TENT2: variants seen among roughly 807,000 people sequenced by gnomAD.
TENT2 encodes the protein poly(A) RNA polymerase GLD2.
Under a neutral mutation model 72.2 loss-of-function variants are expected in TENT2, and 44 were observed. The observed-to-expected ratio is 0.61, with a 90% CI of 0.48 to 0.78. The LOEUF is 0.78. Among genes scored for constraint, TENT2 ranks in the 30% least tolerant of loss-of-function variants. The pLI, the probability that TENT2 is intolerant of heterozygous loss-of-function variation, is 0.00. For synonymous variants in TENT2, 212 were observed against 192.5 expected, an observed-to-expected ratio of 1.10 and a Z score of -0.84; for missense variants, 541 against 569.6, an observed-to-expected ratio of 0.95 and a Z score of 0.51.
chr5:79,631,137 A>C (rs11959459), intron 4 of TENT2, among the ~76,000 whole-genome samples: 30,861 of 152,092 alleles, frequency 0.2, 4,630 homozygotes, highest in African/African-American at 0.42. Context: ...ACCCTACTAC[A>C]TTTAGTAGCA....
chr5:79,632,322 T>G (rs1013080410), intron 4 of TENT2, among the ~76,000 whole-genome samples: 2 of 152,192 alleles, frequency 1.3e-5, no homozygotes, highest in African/African-American at 4.8e-5. Flanking sequence ...TTAAATTTTT[T>G]CATGAGTTTT....
At chr5:79,637,964 A>AT (rs1422351144) in intron 4 of TENT2, among the ~76,000 whole-genome samples, 5 of 151,388 alleles carry the variant, frequency 3.3e-5, no homozygotes, top group East Asian at 2.0e-4. Context: ...TTCCCGGCTA[A>AT]TTTTTTTGTA....
intron 12 of TENT2, among the ~76,000 whole-genome samples, chr5:79,677,147 A>C (rs1289108509): frequency 6.6e-6 from 1 of 152,254 alleles, no homozygotes; most frequent in Non-Finnish European, 1.5e-5. Context: ...AATGTTTAAC[A>C]ATCTAGAAAT....
intron 7 of TENT2, among the ~76,000 whole-genome samples, chr5:79,643,424 TACAC>T (rs1786019900): frequency 6.6e-6 from 1 of 152,236 alleles, no homozygotes; most frequent in Non-Finnish European, 1.5e-5. Context: ...ACTTTTTGAA[TACAC>T]TGACTCTAAA....
rs750691600 is a variant in TENT2 at position 79,619,703 on chromosome 5, CATA to C, written c.60_62del (p.Asn21del). 1.7e-5 allele frequency: 27 copies of C among 1,613,860 alleles called. No individual in the cohort carries two copies. The highest frequency in any genetic ancestry group is 2.2e-5 in the Non-Finnish European group (26 of 1,179,804). ...ACCCTTCACTCCAAATCATCAACAA[CATA>C]ATAACTTCTTTACCCTGTCACCTAC... On this transcript the variant is annotated inframe_deletion, in exon 2 of 15. Transcript: ENST00000453514.
At chr5:79,659,776 C>T (rs182100485) in intron 11 of TENT2, among the ~76,000 whole-genome samples, 1 of 151,402 alleles carries the variant, frequency 6.6e-6, no homozygotes, top group East Asian at 2.0e-4. Context: ...CCATTATACT[C>T]TTTCTTGGGG....
At position 79,667,738 on chromosome 5, in the gene TENT2, TTTTA is replaced by T. The variant is rs996451304; in HGVS notation, c.1072-1151_1072-1148del. Among the ~76,000 whole-genome samples the T allele has an allele frequency of 3.9e-5, 6 of 152,240 alleles. No homozygotes were observed. The East Asian group carries it at 5.8e-4, about 15-fold the overall frequency. On this transcript the variant is annotated intron_variant, in intron 11 of 14. Coordinates refer to ENST00000453514, the MANE Select transcript of TENT2 (RefSeq NM_001114394.3). ...TATTTTTGTTTTCTTGCTCCTTTGT[TTTTA>T]TTCATATTTTGGGGGCACTAGCATT...
chr5:79,664,077 A>G (rs1160181373), intron 11 of TENT2, among the ~76,000 whole-genome samples: 1 of 152,070 alleles, frequency 6.6e-6, no homozygotes, highest in Non-Finnish European at 1.5e-5. Context: ...TAAGTAATCT[A>G]GAGATGATTT....
At chr5:79,659,751 G>A (rs963503044) in intron 11 of TENT2, among the ~76,000 whole-genome samples, 1 of 150,984 alleles carries the variant, frequency 6.6e-6, no homozygotes, top group South Asian at 2.1e-4. Flanking sequence ...GATACAAGTG[G>A]TACTAACAAT....
intron 6 of TENT2, among the ~76,000 whole-genome samples, chr5:79,642,286 TAAAGAG>T (rs1785067859): frequency 6.6e-6 from 1 of 152,028 alleles, no homozygotes; most frequent in Non-Finnish European, 1.5e-5. Context: ...TGAAATCATA[TAAAGAG>T]AAAGTTTAAA....
chr5:79,686,254 A>T lies in TENT2; in HGVS notation c.*981A>T, dbSNP rs1825991472. On this transcript the variant is annotated 3_prime_UTR_variant, in exon 15 of 15. Coordinates refer to ENST00000453514, the MANE Select transcript of TENT2 (RefSeq NM_001114394.3). Reference sequence around the variant, plus strand: ...GTTTTAGATAAGACACAATAAAATTATTATAAATAAAAGCTTAATGTTTGT... The same window carrying T: ...GTTTTAGATAAGACACAATAAAATTTTTATAAATAAAAGCTTAATGTTTGT... 6.6e-6 allele frequency: 1 copy of T among 152,552 alleles called. No homozygotes were observed. Among genetic ancestry groups the T allele is most frequent in the Admixed American group, 6.5e-5 (1 of 15,280 alleles). The allele number at this position is 152,552 out of a possible 1,614,324, so 9.4% of individuals were successfully genotyped here.
chr5:79,614,128 A>G (rs1369928751), intron 1 of TENT2: 3 of 116,004 alleles, frequency 2.6e-5, no homozygotes, highest in African/African-American at 1.1e-4. Context: ...TGCAAGACGG[A>G]ATCTTGATCT....
chr5:79,636,648 T>A (rs1451525914), intron 4 of TENT2, among the ~76,000 whole-genome samples: 1 of 152,192 alleles, frequency 6.6e-6, no homozygotes, highest in Non-Finnish European at 1.5e-5. Flanking sequence ...CAGATGGGCT[T>A]TTGATTTTGA....
intron 12 of TENT2, among the ~76,000 whole-genome samples, chr5:79,677,961 A>G (rs1371796752): frequency 6.6e-6 from 1 of 152,118 alleles, no homozygotes; most frequent in Non-Finnish European, 1.5e-5. Flanking sequence ...CACGCCTGCT[A>G]CTTTTTGGAT....
intron 3 of TENT2, among the ~76,000 whole-genome samples, chr5:79,621,199 T>C (rs1370199199): frequency 6.6e-6 from 1 of 152,180 alleles, no homozygotes; most frequent in East Asian, 1.9e-4. Flanking sequence ...TTAAATCACG[T>C]AACACTGAGG....
At chr5:79,682,132 G>A in intron 14 of TENT2, 71 bp downstream of exon 14, 4 of 1,026,264 alleles carry the variant, frequency 3.9e-6, no homozygotes, top group East Asian at 2.5e-5. Context: ...AAAAATACGT[G>A]TGTAGTAGGA....
At chr5:79,659,558 ATATAT>A (rs1561547326) in intron 11 of TENT2, among the ~76,000 whole-genome samples, 4,593 of 52,184 alleles carry the variant, frequency 0.088, 649 homozygotes, top group African/African-American at 0.29. Context: ...AAAAAAATGT[ATATAT>A]ATATATATAT....
intron 8 of TENT2, among the ~76,000 whole-genome samples, chr5:79,648,279 G>A (rs1790755285): frequency 6.6e-6 from 1 of 151,836 alleles, no homozygotes; most frequent in South Asian, 2.1e-4. Flanking sequence ...CTGCACTCCA[G>A]CCTAGGCCAC....
At chr5:79,674,788 G>T (rs1815890782) in intron 12 of TENT2, among the ~76,000 whole-genome samples, 1 of 152,086 alleles carries the variant, frequency 6.6e-6, no homozygotes, top group South Asian at 2.1e-4. Context: ...GGATGAGAAG[G>T]AACTAATATA....
Sources: gnomAD v4.1 joint callset for allele counts (sites outside exome capture counted in the v4.1 genomes callset) on GRCh38, gnomAD v4.1.1 for gene constraint, MANE v1.5 for transcripts, NCBI Gene and HGNC (gene_info 2026-07-23, HGNC 2026-07-21) for gene names.